HOOK3: variants seen among roughly 807,000 people sequenced by gnomAD.
HOOK3 encodes hook microtubule tethering protein 3.
HOOK3 carries 24 observed loss-of-function variants against 116.3 expected under a neutral mutation model. The ratio of observed to expected loss-of-function variants is 0.21; its 90% confidence interval spans 0.15 to 0.29. The LOEUF (loss-of-function observed/expected upper bound fraction) is 0.29, where lower values mean the gene tolerates loss of function less well. HOOK3 is among the 10% of genes least tolerant of loss of function. HOOK3 has a pLI of 1.00. For missense variants in HOOK3, 632 were observed against 830.2 expected (o/e 0.76, Z 2.93); for synonymous variants, 275 against 283.0 (o/e 0.97, Z 0.28).
At chr8:42,943,932 A>G (rs1808175977) in intron 5 of HOOK3, among the ~76,000 whole-genome samples, 2 of 152,188 alleles carry the variant, frequency 1.3e-5, no homozygotes, top group Admixed American at 6.5e-5. Context: ...ATTATATGCA[A>G]TGTTTAAATA....
chr8:42,908,063 C>G (rs980625213), intron 2 of HOOK3, among the ~76,000 whole-genome samples: 1 of 151,982 alleles, frequency 6.6e-6, no homozygotes, highest in African/African-American at 2.4e-5. Context: ...AAAACAATAC[C>G]ATTTATAATA....
At chr8:43,017,047 A>AC (rs35109075) in intron 21 of HOOK3, among the ~76,000 whole-genome samples, 132,982 of 152,168 alleles carry the variant, frequency 0.87, 58,939 homozygotes, top group Non-Finnish European at 0.96. Flanking sequence ...CAAAGCCATG[A>AC]CTGTTTTCCC....
intron 13 of HOOK3, among the ~76,000 whole-genome samples, chr8:42,977,837 A>G (rs1045045203): frequency 1.3e-5 from 2 of 152,226 alleles, no homozygotes; most frequent in Non-Finnish European, 2.9e-5. Flanking sequence ...ACTGCACTGC[A>G]GCCTGGGCGA....
intron 13 of HOOK3, among the ~76,000 whole-genome samples, chr8:42,978,237 T>G (rs1808865325): frequency 6.6e-6 from 1 of 152,206 alleles, no homozygotes; most frequent in African/African-American, 2.4e-5. Context: ...TAAGAAGATA[T>G]CAGATAACCA....
intron 2 of HOOK3, among the ~76,000 whole-genome samples, chr8:42,914,882 G>A (rs1197689215): frequency 5.3e-5 from 8 of 152,124 alleles, no homozygotes; most frequent in African/African-American, 1.4e-4. Context: ...TTTGGGAGGT[G>A]GAGATGGGCG....
chr8:42,975,367 G>A (rs1161844512), intron 13 of HOOK3, among the ~76,000 whole-genome samples: 1 of 152,126 alleles, frequency 6.6e-6, no homozygotes, highest in Non-Finnish European at 1.5e-5. Context: ...CATTCATCCC[G>A]CAGTTACTGA....
intron 1 of HOOK3, among the ~76,000 whole-genome samples, chr8:42,905,957 C>G (rs985291895): frequency 6.6e-6 from 1 of 151,836 alleles, no homozygotes; most frequent in African/African-American, 2.4e-5. Flanking sequence ...CGTGGTAGTG[C>G]GTTCCTGTAA....
Position 43,022,769 on chromosome 8 carries a change from A to C in HOOK3, c.*4271A>C, listed in dbSNP as rs1291476484. The C allele has an allele frequency of 5.6e-6, 1 of 179,216 alleles. No individual in the cohort carries two copies. Among genetic ancestry groups the C allele is most frequent in the African/African-American group, 2.4e-5 (1 of 42,390 alleles). The allele number at this position is 179,216 out of a possible 1,614,324, so 11.1% of individuals were successfully genotyped here. Reference sequence around the variant, plus strand: ...ATTTACCAAGATTGACATTTCTATTAGACATCCTTAACCTAAGTGTTTTAA... The same window carrying C: ...ATTTACCAAGATTGACATTTCTATTCGACATCCTTAACCTAAGTGTTTTAA... On this transcript the variant is annotated 3_prime_UTR_variant, in exon 22 of 22. Transcript: ENST00000307602.
At position 42,897,157 on chromosome 8, in the gene HOOK3, G is replaced by C. The variant is rs748511367; in HGVS notation, c.26G>C (p.Arg9Pro). MFSVESLE[R>P]AELCESLLTW... ...ATGTTCAGCGTAGAGTCGCTGGAGC[G>C]GGCGGAGCTGTGCGAGAGCCTCCTC... The change falls in exon 1 of 22, where the codon CGG becomes CCG. Residue 9 changes from arginine to proline, a missense_variant. Around this residue, in one of 3 missense-constraint regions of HOOK3, gnomAD observed 141 missense variants for 150.8 expected, o/e 0.93. Transcript: ENST00000307602. 8.0e-7 allele frequency: 1 copy of C among 1,249,032 alleles called. No individual in the cohort carries two copies. The highest frequency in any genetic ancestry group is 3.1e-5 in the East Asian group (1 of 32,012). 77.4% of individuals were successfully genotyped at this position (1,249,032 alleles called of 1,614,324 possible). A position where few individuals can be genotyped will look rare whatever the true frequency, so the allele number is the denominator to read the frequency against.
intron 10 of HOOK3, 81 bp from the exon 11 acceptor site, chr8:42,967,932 C>A: frequency 1.3e-6 from 1 of 782,584 alleles, no homozygotes; most frequent in Non-Finnish European, 2.2e-6. Flanking sequence ...TGTGTGTTTC[C>A]TGGCAATCCT....
chr8:42,939,531 C>T, intron 4 of HOOK3, among the ~76,000 whole-genome samples: 1 of 145,996 alleles, frequency 6.8e-6, no homozygotes, highest in Non-Finnish European at 1.5e-5. Flanking sequence ...GGCTGATCCC[C>T]CCACCTCCCT....
intron 17 of HOOK3, among the ~76,000 whole-genome samples, chr8:43,004,331 C>T (rs1809432169): frequency 6.7e-6 from 1 of 148,306 alleles, no homozygotes; most frequent in African/African-American, 2.5e-5. Flanking sequence ...CACACCACTG[C>T]ACTCCAGCCT....
intron 19 of HOOK3, 38 bp downstream of exon 19, chr8:43,010,443 T>C: frequency 4.2e-6 from 3 of 713,270 alleles, no homozygotes; most frequent in Non-Finnish European, 6.4e-6. Flanking sequence ...CTCTACCTTC[T>C]GATCACATTT....
At position 43,007,016 on chromosome 8, in the gene HOOK3, A is replaced by ATTTTTTTTTTTTT. The variant is rs58609523; in HGVS notation, c.1656-815_1656-803dup. 3.9e-5 allele frequency among the ~76,000 whole-genome samples: 4 copies of ATTTTTTTTTTTTT among 103,278 alleles called. 1 individual carries two copies. The highest frequency in any genetic ancestry group is 7.5e-5 in the Non-Finnish European group (4 of 53,256). 67.8% of individuals were successfully genotyped at this position (103,278 alleles called of 152,430 possible). A position where few individuals can be genotyped will look rare whatever the true frequency, so the allele number is the denominator to read the frequency against. Reference sequence around the variant, plus strand: ...TAAAGTACACGTCTTAAGTTCCTAGATTTTTTTTTTTTTTTTTTTTTTTTT... The same window carrying ATTTTTTTTTTTTT: ...TAAAGTACACGTCTTAAGTTCCTAGATTTTTTTTTTTTTTTTTTTTTTTTTTTTTTTTTTTTTT... On this transcript the variant is annotated intron_variant, in intron 17 of 21. Coordinates refer to ENST00000307602, the MANE Select transcript of HOOK3 (RefSeq NM_032410.4).
chr8:42,908,551 C>T (rs145197142), intron 2 of HOOK3, among the ~76,000 whole-genome samples: 2 of 152,248 alleles, frequency 1.3e-5, no homozygotes, highest in African/African-American at 4.8e-5. Context: ...CACAAACACC[C>T]AATGAGAAAA....
intron 18 of HOOK3, among the ~76,000 whole-genome samples, chr8:43,008,663 A>ATTTTTATTTTTAT (rs1563313428): frequency 1.5e-5 from 2 of 131,460 alleles, no homozygotes; most frequent in Non-Finnish European, 3.2e-5. Flanking sequence ...TTTTATTTTT[A>ATTTTTATTTTTAT]TTTTTTTTTT....
At chr8:42,913,991 C>G (rs114230505) in intron 2 of HOOK3, among the ~76,000 whole-genome samples, 202 of 152,302 alleles carry the variant, frequency 1.3e-3, no homozygotes, top group African/African-American at 4.6e-3. Context: ...TGCGCTGATT[C>G]ATCTTTGGTT....
At chr8:43,007,529 T>C (rs1809516386) in intron 17 of HOOK3, among the ~76,000 whole-genome samples, 1 of 152,240 alleles carries the variant, frequency 6.6e-6, no homozygotes, top group Non-Finnish European at 1.5e-5. Flanking sequence ...TTTTTAGAAC[T>C]TCATTTTTTT....
At chr8:42,914,145 A>G (rs1462198912) in intron 2 of HOOK3, among the ~76,000 whole-genome samples, 2 of 152,140 alleles carry the variant, frequency 1.3e-5, no homozygotes, top group Non-Finnish European at 2.9e-5. Flanking sequence ...GCTTCTAGCC[A>G]CACCTTCATT....
Sources: allele counts gnomAD v4.1 joint callset (sites outside exome capture counted in the v4.1 genomes callset), GRCh38; gene constraint gnomAD v4.1.1; regional missense constraint gnomAD v4.1.1; transcripts MANE v1.5; gene names NCBI Gene and HGNC (gene_info 2026-07-23, HGNC 2026-07-21).